FIRRM: variants seen among roughly 807,000 people sequenced by gnomAD.
FIRRM encodes the protein FIGNL1-interacting regulator of recombination and mitosis.
At chr1:169,852,948 G>A in the FIRRM span, 4 of 1,613,940 alleles carry the variant, frequency 2.5e-6, no homozygotes, top group African/African-American at 5.3e-5. Context: ...TCCAAGAAAG[G>A]ATGGATAAGC....
the FIRRM span, chr1:169,793,685 T>C: frequency 2.0e-4 from 323 of 1,586,672 alleles, 5 homozygotes; most frequent in East Asian, 6.6e-3. Flanking sequence ...GAAATTAAAC[T>C]GAAAGGTCAT....
chr1:169,787,015 C>T, the FIRRM span, among the ~76,000 whole-genome samples: 5 of 152,160 alleles, frequency 3.3e-5, no homozygotes, highest in Non-Finnish European at 5.9e-5. Context: ...TACTGTGTGG[C>T]TAACTGGATT....
chr1:169,787,449 G>A, the FIRRM span, among the ~76,000 whole-genome samples: 54 of 152,182 alleles, frequency 3.5e-4, no homozygotes, highest in African/African-American at 5.3e-4. Context: ...TGTCTTCAGC[G>A]AGAATTCTAT....
chr1:169,837,721 C>G, the FIRRM span, among the ~76,000 whole-genome samples: 3 of 152,250 alleles, frequency 2.0e-5, no homozygotes, highest in South Asian at 4.1e-4. Flanking sequence ...AATTTCTACT[C>G]TCATAGACTC....
the FIRRM span, chr1:169,829,447 C>T: frequency 6.2e-7 from 1 of 1,608,990 alleles, no homozygotes; most frequent in South Asian, 1.1e-5. Flanking sequence ...GTTTGCTGAA[C>T]TGGTAAGCAT....
the FIRRM span, chr1:169,853,599 G>T: frequency 3.7e-6 from 4 of 1,071,596 alleles, no homozygotes; most frequent in Non-Finnish European, 5.6e-6. Context: ...GAGCTCCTGG[G>T]ATGGGAAAAG....
the FIRRM span, chr1:169,849,449 TTATC>T: frequency 1.5e-6 from 2 of 1,349,850 alleles, no homozygotes; most frequent in Non-Finnish European, 2.1e-6. Flanking sequence ...TATTTTATGA[TTATC>T]TATTATGGTT....
chr1:169,804,148 ATT>A, the FIRRM span: 1 of 1,599,122 alleles, frequency 6.3e-7, no homozygotes, highest in Non-Finnish European at 8.5e-7. Flanking sequence ...AAGGAGGCCT[ATT>A]CTCTTCAAAA....
chr1:169,830,168 G>A, the FIRRM span: 1 of 1,095,032 alleles, frequency 9.1e-7, no homozygotes, highest in South Asian at 1.5e-5. Context: ...GATTCTGATA[G>A]TGCTTTCTTG....
chr1:169,786,571 TA>T, the FIRRM span, among the ~76,000 whole-genome samples: 7 of 151,968 alleles, frequency 4.6e-5, no homozygotes, highest in South Asian at 2.1e-4. Flanking sequence ...ATTCTCCCTT[TA>T]AAAAAAATGC....
chr1:169,849,566 G>C, the FIRRM span: 1 of 1,614,030 alleles, frequency 6.2e-7, no homozygotes, highest in Non-Finnish European at 8.5e-7. Context: ...TTGGCTGCTA[G>C]AACAACATAC....
chr1:169,784,672 G>C, the FIRRM span, among the ~76,000 whole-genome samples: 1 of 152,116 alleles, frequency 6.6e-6, no homozygotes, highest in Non-Finnish European at 1.5e-5. Context: ...AATTAAATCT[G>C]ACAAAGTCCC....
the FIRRM span, chr1:169,801,108 T>A: frequency 3.3e-5 from 18 of 537,516 alleles, no homozygotes; most frequent in Non-Finnish European, 4.6e-5. Context: ...GTAGATCTCA[T>A]GTGAGACTAT....
the FIRRM span, chr1:169,842,348 T>G: frequency 6.6e-7 from 1 of 1,520,740 alleles, no homozygotes; most frequent in Non-Finnish European, 8.8e-7. Context: ...AACCTCTAGT[T>G]AAGTCGGCTC....
the FIRRM span, among the ~76,000 whole-genome samples, chr1:169,788,400 T>C: frequency 6.6e-6 from 1 of 152,230 alleles, no homozygotes. Context: ...TTTCTCTTCC[T>C]CCTAATTTTT....
chr1:169,803,783 A>C, the FIRRM span, among the ~76,000 whole-genome samples: 2 of 152,314 alleles, frequency 1.3e-5, no homozygotes, highest in African/African-American at 4.8e-5. Flanking sequence ...GGGCGAATGA[A>C]AATCACTAGT....
the FIRRM span, among the ~76,000 whole-genome samples, chr1:169,802,366 A>T: frequency 6.6e-6 from 1 of 152,186 alleles, no homozygotes; most frequent in African/African-American, 2.4e-5. Flanking sequence ...AAAAAAATTG[A>T]TGCTATTAAA....
At chr1:169,853,198 AG>A in the FIRRM span, 1 of 578,042 alleles carries the variant, frequency 1.7e-6, no homozygotes, top group African/African-American at 1.9e-5. Flanking sequence ...GGAACTGCCT[AG>A]GTCCACAAAG....
chr1:169,785,974 T>G, the FIRRM span, among the ~76,000 whole-genome samples: 3 of 152,220 alleles, frequency 2.0e-5, no homozygotes, highest in Non-Finnish European at 4.4e-5. Flanking sequence ...TAATAGATGA[T>G]AGCGAACCTA....
Sources: allele counts gnomAD v4.1 joint callset (sites outside exome capture counted in the v4.1 genomes callset), GRCh38; gene constraint gnomAD v4.1.1; transcripts MANE v1.5; gene names NCBI Gene and HGNC (gene_info 2026-07-23, HGNC 2026-07-21).